Variants in PDZD2 observed in about 807,000 individuals in gnomAD.
The protein encoded by PDZD2 is PDZ domain containing 2.
A neutral mutation model predicts 220.7 loss-of-function variants in PDZD2; 90 were observed. That is an observed-to-expected ratio of 0.41 (90% confidence interval 0.34 to 0.49). The LOEUF (loss-of-function observed/expected upper bound fraction) is 0.49. Ranked by LOEUF, PDZD2 falls within the 20% of genes least tolerant of loss-of-function variation. PDZD2 has a pLI of 0.28. For synonymous variants in PDZD2, 1,375 were observed against 1,450.5 expected (o/e 0.95, Z 1.18); for missense variants, 3,174 against 3,608.5 (o/e 0.88, Z 3.08).
intron 1 of PDZD2, among the ~76,000 whole-genome samples, chr5:31,752,589 TTC>T (rs1491102994): frequency 2.0e-4 from 31 of 151,930 alleles, no homozygotes; most frequent in African/African-American, 5.8e-4. Context: ...GCGTTTTTTT[TTC>T]CCCCCCAGAG....
chr5:31,794,428 T>C (rs1213823656), intron 1 of PDZD2, among the ~76,000 whole-genome samples: 4 of 141,126 alleles, frequency 2.8e-5, no homozygotes, highest in African/African-American at 1.1e-4. Flanking sequence ...GATGGAGGAG[T>C]CTTGCTCTGT....
At chr5:32,003,359 A>C (rs1581253100) in intron 5 of PDZD2, among the ~76,000 whole-genome samples, 2 of 59,594 alleles carry the variant, frequency 3.4e-5, no homozygotes, top group Non-Finnish European at 7.0e-5. Flanking sequence ...ACCACACACC[A>C]CACCACACAC....
intron 2 of PDZD2, among the ~76,000 whole-genome samples, chr5:31,948,247 A>C (rs1670813180): frequency 6.6e-6 from 1 of 152,156 alleles, no homozygotes; most frequent in Admixed American, 6.5e-5. Context: ...TTGGGCGAGC[A>C]AGCTGGGACA....
At chr5:31,999,842 C>T (rs1410134368) in intron 4 of PDZD2, among the ~76,000 whole-genome samples, 1 of 152,152 alleles carries the variant, frequency 6.6e-6, no homozygotes. Flanking sequence ...GGTCTTGGTT[C>T]CTCTATCAAC....
Position 31,995,594 on chromosome 5 carries a change from T to G in PDZD2, c.997T>G (p.Trp333Gly). 1.2e-6 allele frequency: 2 copies of G among 1,614,162 alleles called. No homozygotes were observed. The highest frequency in any genetic ancestry group is 1.7e-6 in the Non-Finnish European group (2 of 1,180,010). ...CLAREEVGRI[W>G]KMELLKESDG... ...TTCCAAGGAGGAAGTTGGCCGAATATGGAAGATGGAGCTGCTCAAAGAATC... is the reference window on the plus strand; with the variant it reads ...TTCCAAGGAGGAAGTTGGCCGAATAGGGAAGATGGAGCTGCTCAAAGAATC... Residue 333 changes from tryptophan to glycine, a missense_variant, in exon 4 of 25, where the codon TGG becomes GGG. By Grantham distance (184) the Trp-to-Gly change is radical (BLOSUM62 -2). Around this residue, in one of 4 missense-constraint regions of PDZD2, gnomAD observed 632 missense variants for 708.1 expected, o/e 0.89. Coordinates refer to ENST00000438447, the MANE Select transcript of PDZD2 (RefSeq NM_178140.4).
intron 2 of PDZD2, among the ~76,000 whole-genome samples, chr5:31,804,604 T>C (rs1245065067): frequency 2.0e-5 from 3 of 152,150 alleles, no homozygotes. Flanking sequence ...TGAACCCAAG[T>C]CCTTCTGGCT....
intron 2 of PDZD2, among the ~76,000 whole-genome samples, chr5:31,882,483 C>T (rs1740018928): frequency 6.6e-6 from 1 of 152,172 alleles, no homozygotes; most frequent in Non-Finnish European, 1.5e-5. Context: ...AGGGTGTTTT[C>T]AGCAGTATTG....
intron 1 of PDZD2, among the ~76,000 whole-genome samples, chr5:31,701,510 G>A (rs1047953662): frequency 6.6e-6 from 1 of 152,098 alleles, no homozygotes; most frequent in African/African-American, 2.4e-5. Flanking sequence ...CCTTTTTCCT[G>A]ACCTATTCAA....
At chr5:32,104,652 G>A (rs1438920550) in intron 24 of PDZD2, among the ~76,000 whole-genome samples, 4 of 146,536 alleles carry the variant, frequency 2.7e-5, no homozygotes, top group African/African-American at 5.0e-5. Flanking sequence ...CCCAGGAGGC[G>A]GAGGTTGCAG....
At chr5:32,031,084 G>A (rs1199651578) in intron 6 of PDZD2, among the ~76,000 whole-genome samples, 1 of 151,986 alleles carries the variant, frequency 6.6e-6, no homozygotes, top group Non-Finnish European at 1.5e-5. Context: ...TGTTTTCTGG[G>A]CCTGGAATTC....
In PDZD2 at chr5:32,110,791, A is replaced by G. The variant is rs1041414700; in HGVS notation, c.*2656A>G. The G allele has an allele frequency of 1.3e-5, 2 of 152,652 alleles. No individual in the cohort carries two copies. Among genetic ancestry groups the G allele is most frequent in the African/African-American group, 4.8e-5 (2 of 41,462 alleles). The allele number at this position is 152,652 out of a possible 1,614,324, so 9.5% of individuals were successfully genotyped here. A position where few individuals can be genotyped will look rare whatever the true frequency, so the allele number is the denominator to read the frequency against. ...TTATTTATGTAAAGTAAAATGCCTT[A>G]TATATTAAAGAGTAAGTGCAATAAT... On this transcript the variant is annotated 3_prime_UTR_variant, in exon 25 of 25. Transcript: ENST00000438447.
chr5:32,006,907 CTTTTTTTTTTTTTTT>C (rs1173189592), intron 5 of PDZD2, among the ~76,000 whole-genome samples: 1 of 47,844 alleles, frequency 2.1e-5, no homozygotes, highest in African/African-American at 1.0e-4. Flanking sequence ...CCATGCTGGT[CTTTTTTTTTTTTTTT>C]TTTTTTTTTT....
intron 1 of PDZD2, among the ~76,000 whole-genome samples, chr5:31,720,401 A>G (rs1748718693): frequency 6.6e-6 from 1 of 152,258 alleles, no homozygotes; most frequent in Non-Finnish European, 1.5e-5. Context: ...AACATAGTGA[A>G]AAAAATGCTA....
At chr5:31,822,261 T>C (rs1312149930) in intron 2 of PDZD2, among the ~76,000 whole-genome samples, 2 of 149,776 alleles carry the variant, frequency 1.3e-5, no homozygotes, top group Admixed American at 6.8e-5. Context: ...CAAACTTTTT[T>C]TCACGCAATC....
chr5:31,829,289 A>T (rs1408261221), intron 2 of PDZD2, among the ~76,000 whole-genome samples: 2 of 151,476 alleles, frequency 1.3e-5, no homozygotes, highest in Non-Finnish European at 2.9e-5. Context: ...TCTTTGAAAT[A>T]CGATATACGT....
At chr5:31,929,000 T>A (rs1745026175) in intron 2 of PDZD2, among the ~76,000 whole-genome samples, 1 of 152,132 alleles carries the variant, frequency 6.6e-6, no homozygotes, top group Non-Finnish European at 1.5e-5. Context: ...AAAGGAGATT[T>A]AAGAGGGAAC....
At chr5:31,725,270 G>A (rs553927625) in intron 1 of PDZD2, among the ~76,000 whole-genome samples, 14 of 151,372 alleles carry the variant, frequency 9.2e-5, no homozygotes, top group Middle Eastern at 3.4e-3. Flanking sequence ...CCCGAGAGGC[G>A]GAGGTTGTGG....
intron 2 of PDZD2, among the ~76,000 whole-genome samples, chr5:31,821,052 T>C (rs1371925331): frequency 3.3e-5 from 5 of 152,076 alleles, no homozygotes; most frequent in East Asian, 1.9e-4. Context: ...TTTTACCCCA[T>C]GTGGTTAAAA....
intron 1 of PDZD2, among the ~76,000 whole-genome samples, chr5:31,735,598 G>A (rs1049773849): frequency 4.6e-5 from 7 of 151,892 alleles, no homozygotes; most frequent in Non-Finnish European, 5.9e-5. Flanking sequence ...TCAGGAGTTC[G>A]AGACCAGCTT....
Sources: gnomAD v4.1 joint callset for allele counts (sites outside exome capture counted in the v4.1 genomes callset) on GRCh38, gnomAD v4.1.1 for gene constraint, gnomAD v4.1.1 regional missense constraint, MANE v1.5 for transcripts, NCBI Gene and HGNC (gene_info 2026-07-23, HGNC 2026-07-21) for gene names.